DCC: variants seen among roughly 807,000 people sequenced by gnomAD.
The protein encoded by DCC is DCC netrin 1 receptor.
Under a neutral mutation model 172.5 loss-of-function variants are expected in DCC, and 58 were observed. The observed-to-expected ratio is 0.34, with a 90% CI of 0.27 to 0.42. DCC has a LOEUF of 0.42. Among genes scored for constraint, DCC ranks in the 10% least tolerant of loss-of-function variants. The pLI, the probability that DCC is intolerant of heterozygous loss-of-function variation, is 1.00. For synonymous variants in DCC, 709 were observed against 644.5 expected, an observed-to-expected ratio of 1.10 and a Z score of -1.52; for missense variants, 1,740 against 1,791.0, an observed-to-expected ratio of 0.97 and a Z score of 0.51.
chr18:52,634,591 C>T (rs1289508535), intron 1 of DCC, among the ~76,000 whole-genome samples: 1 of 152,174 alleles, frequency 6.6e-6, no homozygotes, highest in Non-Finnish European at 1.5e-5. Flanking sequence ...TTATTAAATA[C>T]ATTGGTGTTT....
chr18:52,494,699 T>G (rs1405227042), intron 1 of DCC, among the ~76,000 whole-genome samples: 1 of 152,100 alleles, frequency 6.6e-6, no homozygotes, highest in Non-Finnish European at 1.5e-5. Flanking sequence ...TATGATGAAA[T>G]TATTCATTCT....
intron 21 of DCC, among the ~76,000 whole-genome samples, chr18:53,425,290 T>G (rs1910848872): frequency 1.3e-5 from 2 of 151,098 alleles, no homozygotes; most frequent in Non-Finnish European, 3.0e-5. Context: ...ACTCTCACTC[T>G]TACACCCCAA....
intron 5 of DCC, among the ~76,000 whole-genome samples, chr18:53,043,967 A>G (rs779547498): frequency 1.2e-4 from 18 of 151,866 alleles, no homozygotes; most frequent in Admixed American, 9.9e-4. Context: ...TTGCCTAAAA[A>G]TGCTAGAATG....
intron 2 of DCC, among the ~76,000 whole-genome samples, chr18:52,889,547 C>A (rs1455515874): frequency 6.6e-6 from 1 of 152,042 alleles, no homozygotes; most frequent in East Asian, 1.9e-4. Context: ...CAAGGTAAAG[C>A]AGGGATTGAG....
intron 1 of DCC, among the ~76,000 whole-genome samples, chr18:52,734,639 G>C (rs1005022862): frequency 2.6e-5 from 4 of 152,058 alleles, no homozygotes; most frequent in African/African-American, 9.7e-5. Flanking sequence ...AGCAATCCAA[G>C]CTTTAGACCC....
chr18:53,147,130 C>T (rs1568331309), intron 7 of DCC, among the ~76,000 whole-genome samples: 1 of 152,084 alleles, frequency 6.6e-6, no homozygotes, highest in Non-Finnish European at 1.5e-5. Context: ...GGTGTAAGTA[C>T]TAGGTTCAGG....
chr18:52,832,451 T>TCAAA (rs56294250), intron 2 of DCC, among the ~76,000 whole-genome samples: 147,209 of 152,038 alleles, frequency 0.97, 71,468 homozygotes, highest in Middle Eastern at 1. Context: ...CTGTGCACCC[T>TCAAA]CAAAAACCCT....
intron 15 of DCC, among the ~76,000 whole-genome samples, chr18:53,342,368 C>T (rs2057668577): frequency 6.6e-6 from 1 of 151,822 alleles, no homozygotes; most frequent in African/African-American, 2.4e-5. Context: ...AGTTCAAGAG[C>T]CCTAGTGCCA....
At chr18:53,053,663 T>C (rs1218115226) in intron 5 of DCC, among the ~76,000 whole-genome samples, 1 of 152,150 alleles carries the variant, frequency 6.6e-6, no homozygotes, top group East Asian at 1.9e-4. Context: ...CATCTTTTCC[T>C]CTCAAATACC....
At chr18:52,527,784 CA>C (rs1009833023) in intron 1 of DCC, among the ~76,000 whole-genome samples, 4 of 152,110 alleles carry the variant, frequency 2.6e-5, no homozygotes, top group African/African-American at 9.7e-5. Context: ...AAAGTATTTT[CA>C]AGAAGAAAAT....
chr18:52,367,735 G>C lies in DCC; in HGVS notation c.91+26857G>C, dbSNP rs142673608. On this transcript the variant is annotated intron_variant, in intron 1 of 28. Coordinates refer to ENST00000442544, the MANE Select transcript of DCC (RefSeq NM_005215.4). ...GGTTACCTCTAACAACTTTGATGGG[G>C]TGCAGAGAATCTGAAGCAGTCCTTT... Among the ~76,000 whole-genome samples the C allele has an allele frequency of 2.0e-5, 3 of 152,292 alleles. No homozygotes were observed. The East Asian group carries it at 5.8e-4, about 29-fold the overall frequency.
intron 5 of DCC, among the ~76,000 whole-genome samples, chr18:53,019,094 A>T (rs1208826374): frequency 6.6e-6 from 1 of 152,186 alleles, no homozygotes; most frequent in African/African-American, 2.4e-5. Context: ...ACTGGGGCCA[A>T]TGCTGTCTAG....
In DCC at chr18:52,376,435, G is replaced by T. The variant is rs548932423; in HGVS notation, c.91+35557G>T. On this transcript the variant is annotated intron_variant, in intron 1 of 28. Coordinates refer to ENST00000442544, the MANE Select transcript of DCC (RefSeq NM_005215.4). ...CTGAAGATTTCTGTTGTGTAGCCAA[G>T]AATAGAAAGAATAGACTTGAATTTC... Among the ~76,000 whole-genome samples, 11 of 152,046 alleles carry T rather than the reference G, an allele frequency of 7.2e-5. No individual in the cohort carries two copies. In the South Asian group the frequency reaches 2.3e-3, roughly 32 times the overall value.
chr18:53,151,811 A>G (rs1344215357), intron 7 of DCC, among the ~76,000 whole-genome samples: 1 of 152,120 alleles, frequency 6.6e-6, no homozygotes, highest in Non-Finnish European at 1.5e-5. Flanking sequence ...CATTTTGAAA[A>G]TAATGTAACA....
At chr18:52,979,471 C>T (rs2041172282) in intron 5 of DCC, among the ~76,000 whole-genome samples, 1 of 152,182 alleles carries the variant, frequency 6.6e-6, no homozygotes, top group Non-Finnish European at 1.5e-5. Flanking sequence ...ATCCAACTTT[C>T]TCAAAAGGCA....
At chr18:53,136,388 T>C (rs1364785636) in intron 7 of DCC, among the ~76,000 whole-genome samples, 1 of 152,104 alleles carries the variant, frequency 6.6e-6, no homozygotes, top group Non-Finnish European at 1.5e-5. Context: ...CTAACAATTT[T>C]GGTTACTATA....
intron 12 of DCC, among the ~76,000 whole-genome samples, chr18:53,293,189 CA>C (rs1317703854): frequency 6.6e-6 from 1 of 152,130 alleles, no homozygotes; most frequent in Admixed American, 6.6e-5. Flanking sequence ...GAGAGTAGAA[CA>C]ATATGCATCC....
rs80100378 is a variant in DCC at position 52,673,262 on chromosome 18, C to T, written c.92-78792C>T. ...TCACCAGTCTTTTCATTTATGTCCA[C>T]TTTCTGCTTCAAATTGAATCTAGAA... On this transcript the variant is annotated intron_variant, in intron 1 of 28. Transcript: ENST00000442544. Among the ~76,000 whole-genome samples, 293 of 152,262 alleles carry T rather than the reference C, an allele frequency of 1.9e-3. 7 individuals are homozygous for T. In the East Asian group the frequency reaches 0.051, roughly 26 times the overall value.
At chr18:52,711,345 A>G (rs758787505) in intron 1 of DCC, among the ~76,000 whole-genome samples, 1 of 152,160 alleles carries the variant, frequency 6.6e-6, no homozygotes, top group Non-Finnish European at 1.5e-5. Context: ...CTCCTGCCTC[A>G]GCCTCCCATG....
Sources: allele counts gnomAD v4.1 joint callset (sites outside exome capture counted in the v4.1 genomes callset), GRCh38; gene constraint gnomAD v4.1.1; transcripts MANE v1.5; gene names NCBI Gene and HGNC (gene_info 2026-07-23, HGNC 2026-07-21).